The following PLXNC1 variants were observed in gnomAD, a reference collection of about 807,000 sequenced individuals.
PLXNC1 encodes plexin-C1.
PLXNC1 carries 75 observed loss-of-function variants against 178.2 expected under a neutral mutation model. The observed-to-expected ratio is 0.42, with a 90% CI of 0.35 to 0.51. PLXNC1 has a LOEUF of 0.51. Ranked by LOEUF, PLXNC1 falls within the 20% of genes least tolerant of loss-of-function variation. The pLI is 0.02. For synonymous variants in PLXNC1, 790 were observed against 779.9 expected (o/e 1.01, Z -0.22); for missense variants, 1,503 against 1,984.4 (o/e 0.76, Z 4.61).
chr12:94,154,211 T>C (rs1351995614), intron 1 of PLXNC1, among the ~76,000 whole-genome samples: 1 of 152,204 alleles, frequency 6.6e-6, no homozygotes, highest in African/African-American at 2.4e-5. Context: ...AGGACTGTAG[T>C]TATCATGATG....
intron 23 of PLXNC1, among the ~76,000 whole-genome samples, chr12:94,283,667 G>A (rs896820524): frequency 3.3e-5 from 5 of 152,170 alleles, no homozygotes; most frequent in Non-Finnish European, 7.3e-5. Flanking sequence ...TGATTGGTCA[G>A]GTCAGAGATG....
chr12:94,162,271 TAGA>T (rs1961413145), intron 1 of PLXNC1, among the ~76,000 whole-genome samples: 1 of 152,024 alleles, frequency 6.6e-6, no homozygotes, highest in Admixed American at 6.6e-5. Flanking sequence ...GGGGTGGGGC[TAGA>T]AGAAGTAGCA....
intron 14 of PLXNC1, among the ~76,000 whole-genome samples, chr12:94,249,996 G>A (rs1204657054): frequency 1.3e-5 from 2 of 151,916 alleles, no homozygotes; most frequent in African/African-American, 4.8e-5. Context: ...GCAACGGTGG[G>A]CAGAAGAGGC....
chr12:94,225,130 C>T (rs1168259635), intron 7 of PLXNC1, among the ~76,000 whole-genome samples: 2 of 152,164 alleles, frequency 1.3e-5, no homozygotes, highest in Non-Finnish European at 1.5e-5. Flanking sequence ...CTCCTTGCTT[C>T]TAAAGCAGCA....
intron 21 of PLXNC1, among the ~76,000 whole-genome samples, chr12:94,273,729 A>G (rs1220174865): frequency 2.0e-5 from 3 of 152,216 alleles, no homozygotes; most frequent in Admixed American, 2.0e-4. Flanking sequence ...TGCACACAAT[A>G]GGTGCAAAGT....
chr12:94,200,525 T>C (rs1963081388), intron 4 of PLXNC1, among the ~76,000 whole-genome samples: 1 of 152,230 alleles, frequency 6.6e-6, no homozygotes, highest in Non-Finnish European at 1.5e-5. Flanking sequence ...TTGATATTGC[T>C]TTCAGGAGGA....
chr12:94,271,509 T>C (rs1965569289), intron 21 of PLXNC1, among the ~76,000 whole-genome samples: 1 of 152,224 alleles, frequency 6.6e-6, no homozygotes, highest in Non-Finnish European at 1.5e-5. Flanking sequence ...TGCAGTTACA[T>C]GTTCCCAGGC....
intron 4 of PLXNC1, among the ~76,000 whole-genome samples, chr12:94,188,016 A>C (rs909236365): frequency 5.9e-5 from 9 of 151,992 alleles, no homozygotes; most frequent in African/African-American, 1.9e-4. Context: ...GGGAAGAGGA[A>C]AAACTGGAGA....
At chr12:94,158,495 G>T (rs747320956) in intron 1 of PLXNC1, among the ~76,000 whole-genome samples, 19 of 152,284 alleles carry the variant, frequency 1.2e-4, no homozygotes, top group Middle Eastern at 3.4e-3. Flanking sequence ...TGAGAAAAAG[G>T]TTAGAAAATT....
At chr12:94,248,188 T>C in intron 13 of PLXNC1, 39 bp from the exon 14 acceptor site, 1 of 1,596,052 alleles carries the variant, frequency 6.3e-7, no homozygotes, top group Non-Finnish European at 8.6e-7. Flanking sequence ...AGTTTCTACA[T>C]GTGCTCTGAT....
chr12:94,263,524 G>A (rs1965062152), intron 20 of PLXNC1, among the ~76,000 whole-genome samples: 1 of 150,588 alleles, frequency 6.6e-6, no homozygotes, highest in Non-Finnish European at 1.5e-5. Context: ...CCCTGCGGGA[G>A]TACACAGCCC....
At chr12:94,276,362 C>G (rs920852779) in intron 21 of PLXNC1, among the ~76,000 whole-genome samples, 6 of 152,092 alleles carry the variant, frequency 3.9e-5, no homozygotes, top group African/African-American at 1.4e-4. Context: ...GACCCCTTCA[C>G]ACCCACCCCT....
At position 94,265,072 on chromosome 12, in the gene PLXNC1, T is replaced by C. The variant is rs1170686529; in HGVS notation, c.3451-7T>C. ...AAGCTAACTGTCACTTTTGTGTCTT[T>C]TCCAAGGAGACTGTCGGAGAGCCCT... On this transcript the variant is annotated splice_polypyrimidine_tract_variant and splice_region_variant and intron_variant, in intron 20 of 30. Coordinates refer to ENST00000258526, the MANE Select transcript of PLXNC1 (RefSeq NM_005761.3). The C allele has an allele frequency of 1.2e-6, 2 of 1,613,724 alleles. No individual in the cohort carries two copies. Among genetic ancestry groups the C allele is most frequent in the Non-Finnish European group, 1.7e-6 (2 of 1,179,692 alleles).
intron 5 of PLXNC1, among the ~76,000 whole-genome samples, chr12:94,211,717 G>T (rs1963473576): frequency 6.6e-6 from 1 of 152,208 alleles, no homozygotes. Flanking sequence ...GCATTAAAAA[G>T]AAATAATCAG....
At chr12:94,219,161 ATT>A (rs1274155379) in intron 5 of PLXNC1, among the ~76,000 whole-genome samples, 2 of 152,228 alleles carry the variant, frequency 1.3e-5, no homozygotes, top group Non-Finnish European at 2.9e-5. Context: ...AGCAGGAGAG[ATT>A]TGCCTTATCA....
chr12:94,157,347 C>T (rs1310946059), intron 1 of PLXNC1, among the ~76,000 whole-genome samples: 1 of 152,096 alleles, frequency 6.6e-6, no homozygotes. Context: ...TTTTTGATGA[C>T]CACTCCCTTC....
rs1332440263 is a variant in PLXNC1, at chr12:94,187,380, GA to G, written c.1439+908del. On this transcript the variant is annotated intron_variant, in intron 4 of 30. Coordinates refer to ENST00000258526, the MANE Select transcript of PLXNC1 (RefSeq NM_005761.3). The stretch of plus-strand genomic sequence containing the variant: ...GAGACAGCCAAGAGAAATGAAGGGA[GA>G]GGGGGAAATGCAATACAAGCAAGAG... Among the ~76,000 whole-genome samples the G allele has an allele frequency of 3.9e-5, 6 of 152,258 alleles. No individual in the cohort carries two copies. The East Asian group carries it at 1.2e-3, about 29-fold the overall frequency.
At chr12:94,253,136 G>A (rs969559975) in intron 15 of PLXNC1, among the ~76,000 whole-genome samples, 8 of 148,968 alleles carry the variant, frequency 5.4e-5, no homozygotes, top group African/African-American at 1.5e-4. Flanking sequence ...ATTTGAACCC[G>A]GGAGCTGGAG....
Position 94,237,665 on chromosome 12 carries a change from T to A in PLXNC1, c.1982T>A (p.Val661Asp), listed in dbSNP as rs1964278180. The stretch of plus-strand genomic sequence containing the variant: ...GTTTTAATCTTTTCTTTCCAATAGG[T>A]CTTCTACATTAAGTCCATTGAGCCA... Reference protein sequence around the residue: ...KGNRTNQALQVFYIKSIEPQK... With the variant: ...KGNRTNQALQDFYIKSIEPQK... Residue 661 changes from valine to aspartate, a missense_variant and splice_region_variant, in exon 10 of 31, where the codon GTC becomes GAC. Physicochemically the swap from Val to Asp is radical, Grantham distance 152. Coordinates refer to ENST00000258526, the MANE Select transcript of PLXNC1 (RefSeq NM_005761.3). 2 of 1,612,744 alleles carry A rather than the reference T, an allele frequency of 1.2e-6. No homozygotes were observed. The highest frequency in any genetic ancestry group is 1.3e-5 in the African/African-American group (1 of 74,848).
Sources: gnomAD v4.1 joint callset for allele counts (sites outside exome capture counted in the v4.1 genomes callset) on GRCh38, gnomAD v4.1.1 for gene constraint, MANE v1.5 for transcripts, NCBI Gene and HGNC (gene_info 2026-07-23, HGNC 2026-07-21) for gene names.